GATB: variants seen among roughly 807,000 people sequenced by gnomAD.
The protein encoded by GATB is glutamyl-tRNA amidotransferase subunit B.
A neutral mutation model predicts 62.3 loss-of-function variants in GATB; 39 were observed. The observed-to-expected ratio is 0.63, with a 90% CI of 0.48 to 0.82. GATB has a LOEUF of 0.82. Among genes scored for constraint, GATB ranks in the 40% least tolerant of loss-of-function variants. GATB has a pLI of 0.00. For missense variants in GATB, 670 were observed against 684.0 expected (o/e 0.98, Z 0.23); for synonymous variants, 276 against 258.9 (o/e 1.07, Z -0.63).
At chr4:151,735,235 G>GA (rs530781519) in intron 2 of GATB, among the ~76,000 whole-genome samples, 5,004 of 98,674 alleles carry the variant, frequency 0.051, 275 homozygotes, top group African/African-American at 0.15. Flanking sequence ...AAATCAGTAA[G>GA]AAAAAAAAAA....
At chr4:151,752,293 A>G (rs1440746560) in intron 2 of GATB, among the ~76,000 whole-genome samples, 2 of 152,054 alleles carry the variant, frequency 1.3e-5, no homozygotes, top group Admixed American at 6.5e-5. Context: ...GACTATTTTT[A>G]TTCCTCAGGC....
At chr4:151,689,520 G>A (rs1738319841) in intron 9 of GATB, among the ~76,000 whole-genome samples, 1 of 152,144 alleles carries the variant, frequency 6.6e-6, no homozygotes, top group Non-Finnish European at 1.5e-5. Context: ...CCTCTGAACT[G>A]TCAGCCCCAC....
chr4:151,707,633 G>A (rs540805586), intron 6 of GATB, among the ~76,000 whole-genome samples: 144 of 152,308 alleles, frequency 9.5e-4, no homozygotes, highest in African/African-American at 3.4e-3. Context: ...GTGACACTGT[G>A]TGAGGTCTAC....
At chr4:151,735,236 A>G (rs1386504893) in intron 2 of GATB, among the ~76,000 whole-genome samples, 1 of 101,738 alleles carries the variant, frequency 9.8e-6, no homozygotes, top group Non-Finnish European at 2.0e-5. Flanking sequence ...AATCAGTAAG[A>G]AAAAAAAAAA....
At chr4:151,697,248 T>C (rs1468909406) in intron 9 of GATB, among the ~76,000 whole-genome samples, 1 of 152,224 alleles carries the variant, frequency 6.6e-6, no homozygotes, top group African/African-American at 2.4e-5. Flanking sequence ...CATCAATGGA[T>C]GACTGGATAA....
At position 151,708,172 on chromosome 4, in the gene GATB, G is replaced by A. The variant is rs1330659802; in HGVS notation, c.764-71C>T. 1.3e-5 allele frequency: 13 copies of A among 1,001,554 alleles called. No homozygotes were observed. The East Asian group carries it at 1.7e-4, about 13-fold the overall frequency. 62.0% of individuals were successfully genotyped at this position (1,001,554 alleles called of 1,614,324 possible). ...ACATAGTCTTTTAAAGGCAGGGAGT[G>A]TCAAAGGAAGCAGCATCTAACTCTA... On this transcript the variant is annotated intron_variant, in intron 5 of 12. Transcript: ENST00000263985.
At chr4:151,681,953 A>G (rs12511280) in intron 10 of GATB, among the ~76,000 whole-genome samples, 16,814 of 152,156 alleles carry the variant, frequency 0.11, 987 homozygotes, top group African/African-American at 0.12. Context: ...TCCTCACACC[A>G]TCACCTTAGG....
chr4:151,718,102 C>G (rs982983240), intron 3 of GATB, among the ~76,000 whole-genome samples: 3 of 152,174 alleles, frequency 2.0e-5, no homozygotes, highest in Non-Finnish European at 4.4e-5. Flanking sequence ...CTGCTTGGCC[C>G]GACCTCAAAG....
At chr4:151,759,814 T>C (rs1739914535) in intron 1 of GATB, among the ~76,000 whole-genome samples, 1 of 152,174 alleles carries the variant, frequency 6.6e-6, no homozygotes, top group Non-Finnish European at 1.5e-5. Flanking sequence ...ATACATATTT[T>C]ACATCGTTTT....
At chr4:151,677,154 G>C (rs904554401) in intron 11 of GATB, 7 of 152,202 alleles carry the variant, frequency 4.6e-5, no homozygotes, top group African/African-American at 1.7e-4. Context: ...AGTAGGATCA[G>C]AGAGTCTCTG....
intron 2 of GATB, among the ~76,000 whole-genome samples, chr4:151,728,045 G>A (rs1166465693): frequency 6.6e-6 from 1 of 152,138 alleles, no homozygotes; most frequent in Non-Finnish European, 1.5e-5. Context: ...AACACCTTTT[G>A]TGATAATTAC....
At chr4:151,682,831 G>A (rs28558989) in intron 10 of GATB, among the ~76,000 whole-genome samples, 5,219 of 152,210 alleles carry the variant, frequency 0.034, 293 homozygotes, top group African/African-American at 0.12. Context: ...TACCTGCTGC[G>A]CACAGGATTC....
chr4:151,722,226 A>G (rs563747875), intron 2 of GATB: 1 of 702,538 alleles, frequency 1.4e-6, no homozygotes, highest in African/African-American at 1.7e-5. Flanking sequence ...CTGAAAAAAA[A>G]AATTCTTAAA....
At chr4:151,735,235 G>GAAAAAA (rs530781519) in intron 2 of GATB, among the ~76,000 whole-genome samples, 8 of 98,744 alleles carry the variant, frequency 8.1e-5, no homozygotes, top group East Asian at 3.0e-4. Context: ...AAATCAGTAA[G>GAAAAAA]AAAAAAAAAA....
At chr4:151,706,368 GGCT>G (rs75795707) in intron 6 of GATB, among the ~76,000 whole-genome samples, 36,797 of 151,998 alleles carry the variant, frequency 0.24, 5,091 homozygotes, top group Non-Finnish European at 0.32. Context: ...CCTAAAATTG[GGCT>G]GCTTTTTTAA....
rs923060691 is a variant in GATB at position 151,671,062 on chromosome 4, G to C, written c.*112C>G. 1.3e-5 allele frequency: 15 copies of C among 1,191,516 alleles called. No individual in the cohort carries two copies. The highest frequency in any genetic ancestry group is 1.8e-5 in the Non-Finnish European group (15 of 821,496). The allele number at this position is 1,191,516 out of a possible 1,614,324, so 73.8% of individuals were successfully genotyped here. On this transcript the variant is annotated 3_prime_UTR_variant, in exon 13 of 13. Coordinates refer to ENST00000263985, the MANE Select transcript of GATB (RefSeq NM_004564.3). ...AATGCCATAGCTGTGGCTTGGGACA[G>C]GGATTGAGAGGCAGCTCTCAGGGCA...
At position 151,758,852 on chromosome 4, in the gene GATB, A is replaced by AG; in HGVS notation, c.246dup (p.Ser83LeufsTer19). 2 of 1,612,026 alleles carry AG rather than the reference A, an allele frequency of 1.2e-6. No homozygotes were observed. The highest frequency in any genetic ancestry group is 1.7e-6 in the Non-Finnish European group (2 of 1,178,870). ...GCTGAAAAGCGAACTTGAGATCCAGAGAAGAGTTTAGAGTTGGAGGAAATC... is the reference window on the plus strand; with the variant it reads ...GCTGAAAAGCGAACTTGAGATCCAGAGGAAGAGTTTAGAGTTGGAGGAAATC... On this transcript the variant is annotated frameshift_variant, in exon 2 of 13. Transcript: ENST00000263985. LOFTEE classifies it high-confidence loss of function.
intron 11 of GATB, chr4:151,673,674 G>A (rs1478898121): frequency 6.6e-6 from 1 of 151,980 alleles, no homozygotes; most frequent in Non-Finnish European, 1.5e-5. Context: ...CATCAAACCT[G>A]AGAAAAAGGA....
chr4:151,749,404 G>A (rs554728287), intron 2 of GATB, among the ~76,000 whole-genome samples: 5 of 150,994 alleles, frequency 3.3e-5, no homozygotes, highest in Admixed American at 1.3e-4. Context: ...GCAAACTATC[G>A]CAAGGACAGA....
Sources: allele counts gnomAD v4.1 joint callset (sites outside exome capture counted in the v4.1 genomes callset), GRCh38; gene constraint gnomAD v4.1.1; transcripts MANE v1.5; gene names NCBI Gene and HGNC (gene_info 2026-07-23, HGNC 2026-07-21).